Variants in PIGK observed in about 807,000 individuals in gnomAD.
PIGK encodes phosphatidylinositol glycan anchor biosynthesis class K, also known as GPI-anchor transamidase.
In PIGK, 42 loss-of-function variants were observed where a neutral mutation model predicts 50.6. The ratio of observed to expected loss-of-function variants is 0.83; its 90% CI spans 0.65 to 1.07. The LOEUF is 1.07. Ranked by LOEUF, PIGK falls within the 50% of genes least tolerant of loss-of-function variation. PIGK has a pLI of 0.00. For synonymous variants in PIGK, 151 were observed against 156.0 expected, an observed-to-expected ratio of 0.97 and a Z score of 0.24; for missense variants, 448 against 488.7, an observed-to-expected ratio of 0.92 and a Z score of 0.78.
intron 10 of PIGK, among the ~76,000 whole-genome samples, chr1:77,097,474 T>C (rs1051179725): frequency 1.2e-4 from 18 of 152,174 alleles, no homozygotes; most frequent in African/African-American, 4.1e-4. Context: ...GATCTTTATG[T>C]ACCTTTTTCC....
intron 3 of PIGK, among the ~76,000 whole-genome samples, chr1:77,182,527 T>TACAC (rs34396665): frequency 6.7e-6 from 1 of 150,232 alleles, no homozygotes; most frequent in Admixed American, 6.6e-5. Context: ...TATCTATCTG[T>TACAC]ACACACACAC....
At chr1:77,111,906 T>C (rs1216767312) in intron 10 of PIGK, among the ~76,000 whole-genome samples, 1 of 152,074 alleles carries the variant, frequency 6.6e-6, no homozygotes, top group African/African-American at 2.4e-5. Context: ...TCGCAAAGTA[T>C]TAATAGCCTT....
intron 10 of PIGK, among the ~76,000 whole-genome samples, chr1:77,105,300 A>G (rs113986071): frequency 8.4e-4 from 128 of 152,044 alleles, no homozygotes; most frequent in African/African-American, 2.9e-3. Flanking sequence ...GGCCATAGGT[A>G]GTTTTGGAAA....
At position 77,102,398 on chromosome 1, in the gene PIGK, A is replaced by G. The variant is rs192437594; in HGVS notation, c.1072-9908T>C. Among the ~76,000 whole-genome samples, 582 of 152,344 alleles carry G rather than the reference A, an allele frequency of 3.8e-3. 1 individual carries two copies. The highest frequency in any genetic ancestry group is 0.029 in the South Asian group (139 of 4,832). ...TAAAATAGTGAGATTATACTGGATT[A>G]TTTAGGTGAGCCCAATAGTATCACA... On this transcript the variant is annotated intron_variant, in intron 10 of 10. Transcript: ENST00000370812.
At chr1:77,197,667 T>C (rs1478773483) in intron 3 of PIGK, among the ~76,000 whole-genome samples, 3 of 152,142 alleles carry the variant, frequency 2.0e-5, no homozygotes, top group Non-Finnish European at 4.4e-5. Flanking sequence ...TTTTTGCCCA[T>C]CTCTGAAGCA....
intron 10 of PIGK, among the ~76,000 whole-genome samples, chr1:77,103,017 T>G (rs1057059694): frequency 5.3e-5 from 8 of 152,192 alleles, no homozygotes; most frequent in African/African-American, 1.7e-4. Flanking sequence ...TCCAGTTGTT[T>G]GTGTAAATGC....
intron 9 of PIGK, among the ~76,000 whole-genome samples, chr1:77,124,347 G>A (rs1434537807): frequency 2.6e-5 from 4 of 152,060 alleles, no homozygotes; most frequent in East Asian, 3.9e-4. Context: ...AGTGGCTCAC[G>A]CCTGTAATCC....
In PIGK at chr1:77,092,444, C is replaced by T. The variant is rs778961432; in HGVS notation, c.1118G>A (p.Gly373Glu). 2 of 1,606,812 alleles carry T rather than the reference C, an allele frequency of 1.2e-6. No homozygotes were observed. Among genetic ancestry groups the T allele is most frequent in the South Asian group, 2.2e-5 (2 of 89,566 alleles). ...AACCATGATAATAAGTGCCCATAATCCCAGAATAAAGCCCCCAGGAGGATG... is the reference window on the plus strand; with the variant it reads ...AACCATGATAATAAGTGCCCATAATTCCAGAATAAAGCCCCCAGGAGGATG... Reference protein sequence around the residue: ...DWHPPGGFILGLWALIIMVFF... With the variant: ...DWHPPGGFILELWALIIMVFF... Residue 373 changes from glycine (G) to glutamate (E), a missense_variant, in exon 11 of 11, where the codon GGA (glycine) becomes GAA (glutamate). Physicochemically the swap from Gly to Glu is moderately conservative, Grantham distance 98 (BLOSUM62 -2). Coordinates refer to ENST00000370812, the MANE Select transcript of PIGK (RefSeq NM_005482.3).
intron 3 of PIGK, among the ~76,000 whole-genome samples, chr1:77,169,645 G>C (rs1655316034): frequency 6.6e-6 from 1 of 151,860 alleles, no homozygotes; most frequent in African/African-American, 2.4e-5. Flanking sequence ...ATATCCTTGT[G>C]TGCGATACAT....
intron 3 of PIGK, among the ~76,000 whole-genome samples, chr1:77,178,846 C>T (rs1487823052): frequency 1.3e-5 from 2 of 152,206 alleles, no homozygotes; most frequent in Non-Finnish European, 2.9e-5. Context: ...CATGAGGACA[C>T]CGTAACCTAT....
chr1:77,089,726 C>A lies in PIGK; in HGVS notation c.*2648G>T, dbSNP rs183961822. 1 of 152,758 alleles carries A rather than the reference C, an allele frequency of 6.5e-6. No homozygotes were observed. Among genetic ancestry groups the A allele is most frequent in the African/African-American group, 2.4e-5 (1 of 41,588 alleles). 9.5% of individuals were successfully genotyped at this position (152,758 alleles called of 1,614,324 possible). Reference sequence around the variant, plus strand: ...TTTTTTGCATTTAATTCTAATATTTCTTGATCCAATTTAATCAGCTTTGTA... The same window carrying A: ...TTTTTTGCATTTAATTCTAATATTTATTGATCCAATTTAATCAGCTTTGTA... On this transcript the variant is annotated 3_prime_UTR_variant, in exon 11 of 11. Transcript: ENST00000370812.
At position 77,218,135 on chromosome 1, in the gene PIGK, C is replaced by T. The variant is rs1048335039; in HGVS notation, c.93+1175G>A. On this transcript the variant is annotated intron_variant, in intron 1 of 10. Coordinates refer to ENST00000370812, the MANE Select transcript of PIGK (RefSeq NM_005482.3). ...AGTCCACTGGTCTAAGCTCAAGGTG[C>T]CCAGGTGGTGGGGAGAAGAGGTTCC... Among the ~76,000 whole-genome samples, 64 of 152,120 alleles carry T rather than the reference C, an allele frequency of 4.2e-4. 1 individual carries two copies. Among genetic ancestry groups the T allele is most frequent in the African/African-American group, 1.5e-3 (61 of 41,488 alleles).
chr1:77,093,958 A>G (rs1653355221), intron 10 of PIGK, among the ~76,000 whole-genome samples: 1 of 152,168 alleles, frequency 6.6e-6, no homozygotes, highest in Non-Finnish European at 1.5e-5. Context: ...TAGAAAATCT[A>G]GAATAATTAA....
At position 77,156,872 on chromosome 1, in the gene PIGK, T is replaced by C. The variant is rs554401987; in HGVS notation, c.814-2251A>G. ...AGTTCTGTGGAGTGTAAGATGAATA[T>C]AACATGGTCCTTACACCTCGCATTC... On this transcript the variant is annotated intron_variant, in intron 8 of 10. Coordinates refer to ENST00000370812, the MANE Select transcript of PIGK (RefSeq NM_005482.3). 3.9e-5 allele frequency among the ~76,000 whole-genome samples: 6 copies of C among 152,274 alleles called. No individual in the cohort carries two copies. The South Asian group carries it at 1.2e-3, about 32-fold the overall frequency.
intron 3 of PIGK, among the ~76,000 whole-genome samples, chr1:77,172,930 AAATAAT>A (rs928511163): frequency 5.3e-5 from 8 of 152,098 alleles, no homozygotes; most frequent in Admixed American, 2.0e-4. Context: ...CCTCAGAAAA[AAATAAT>A]AATAATAATA....
chr1:77,139,184 C>T (rs1654587491), intron 9 of PIGK, among the ~76,000 whole-genome samples: 1 of 152,060 alleles, frequency 6.6e-6, no homozygotes, highest in Admixed American at 6.6e-5. Context: ...TTAGGCCGTC[C>T]TGCCTTCCAC....
chr1:77,166,095 T>G (rs959751785), intron 5 of PIGK, among the ~76,000 whole-genome samples: 1 of 152,138 alleles, frequency 6.6e-6, no homozygotes, highest in Non-Finnish European at 1.5e-5. Flanking sequence ...TATTAAGAAC[T>G]AAGACAAACT....
At chr1:77,116,181 A>G (rs944721599) in intron 10 of PIGK, among the ~76,000 whole-genome samples, 1 of 151,356 alleles carries the variant, frequency 6.6e-6, no homozygotes, top group Non-Finnish European at 1.5e-5. Context: ...AATCTCTCAC[A>G]CATCTTTCTC....
chr1:77,209,612 G>A (rs1656369889), intron 2 of PIGK, among the ~76,000 whole-genome samples: 1 of 152,058 alleles, frequency 6.6e-6, no homozygotes, highest in South Asian at 2.1e-4. Context: ...AATCAGTCAG[G>A]TCACAGAGTT....
Sources: allele counts gnomAD v4.1 joint callset (sites outside exome capture counted in the v4.1 genomes callset), GRCh38; gene constraint gnomAD v4.1.1; transcripts MANE v1.5; gene names NCBI Gene and HGNC (gene_info 2026-07-23, HGNC 2026-07-21).